Variants in CTNNA1 observed in about 807,000 individuals in gnomAD.
The protein encoded by CTNNA1 is catenin alpha-1.
In CTNNA1, 37 loss-of-function variants were observed where a neutral mutation model predicts 98.4. That is an observed-to-expected ratio of 0.38 (90% CI 0.29 to 0.49). CTNNA1 has a LOEUF of 0.49. CTNNA1 is among the 20% of genes least tolerant of loss of function. The pLI is 0.95. For synonymous variants in CTNNA1, 404 were observed against 413.2 expected (o/e 0.98, Z 0.27); for missense variants, 761 against 1,147.2 (o/e 0.66, Z 4.86).
chr5:138,759,251 C>T (rs1752050985), intron 1 of CTNNA1, among the ~76,000 whole-genome samples: 2 of 152,094 alleles, frequency 1.3e-5, no homozygotes, highest in African/African-American at 2.4e-5. Flanking sequence ...TTGGACTCTT[C>T]TCATTCCCAG....
chr5:138,879,394 C>T (rs1411736394), intron 7 of CTNNA1, among the ~76,000 whole-genome samples: 1 of 151,996 alleles, frequency 6.6e-6, no homozygotes, highest in Non-Finnish European at 1.5e-5. Context: ...CATTAGACTA[C>T]CAGAATCTCC....
chr5:138,850,352 C>G (rs1342705509), intron 7 of CTNNA1, among the ~76,000 whole-genome samples: 1 of 152,202 alleles, frequency 6.6e-6, no homozygotes, highest in Non-Finnish European at 1.5e-5. Flanking sequence ...ATGAAGCTCA[C>G]ATGTCTAGAA....
At chr5:138,893,655 T>C (rs186450500) in intron 9 of CTNNA1, among the ~76,000 whole-genome samples, 20 of 152,204 alleles carry the variant, frequency 1.3e-4, no homozygotes, top group African/African-American at 4.1e-4. Context: ...ATGGAGTCTC[T>C]CTCTGTCACC....
intron 5 of CTNNA1, among the ~76,000 whole-genome samples, chr5:138,823,040 A>T (rs748233956): frequency 6.6e-6 from 1 of 152,196 alleles, no homozygotes. Context: ...TTAAATTTAT[A>T]CTCTAGGATT....
chr5:138,899,114 G>T (rs1581577983), intron 9 of CTNNA1, among the ~76,000 whole-genome samples: 1 of 151,862 alleles, frequency 6.6e-6, no homozygotes, highest in South Asian at 2.1e-4. Context: ...TTGCATTTTC[G>T]ATCATTTGAG....
At chr5:138,814,176 C>A (rs1026880912) in intron 5 of CTNNA1, among the ~76,000 whole-genome samples, 2 of 151,626 alleles carry the variant, frequency 1.3e-5, no homozygotes, top group Admixed American at 6.6e-5. Flanking sequence ...CCTGGTTTTG[C>A]ATTTCTAGTA....
intron 10 of CTNNA1, among the ~76,000 whole-genome samples, chr5:138,906,387 T>G (rs1759267549): frequency 6.6e-6 from 1 of 152,246 alleles, no homozygotes; most frequent in Non-Finnish European, 1.5e-5. Flanking sequence ...TCAAGTTTGT[T>G]TGCCATTTAC....
chr5:138,828,050 T>TC (rs1159584617), intron 7 of CTNNA1: 7 of 229,232 alleles, frequency 3.1e-5, no homozygotes, highest in East Asian at 9.6e-5. Flanking sequence ...CATCCTTTTT[T>TC]CCCCCGAAGC....
chr5:138,775,513 G>A (rs1382322543), intron 1 of CTNNA1, among the ~76,000 whole-genome samples: 2 of 152,098 alleles, frequency 1.3e-5, no homozygotes, highest in Non-Finnish European at 2.9e-5. Flanking sequence ...TATCTCTAGT[G>A]ATTCTAGATT....
intron 1 of CTNNA1, among the ~76,000 whole-genome samples, chr5:138,779,806 C>T (rs1754847179): frequency 6.6e-6 from 1 of 151,700 alleles, no homozygotes; most frequent in South Asian, 2.1e-4. Flanking sequence ...ACCTCCACCT[C>T]CCAGGTTCAA....
At chr5:138,791,807 T>TTTA (rs35229143) in intron 3 of CTNNA1, among the ~76,000 whole-genome samples, 2 of 149,174 alleles carry the variant, frequency 1.3e-5, no homozygotes, top group Admixed American at 1.3e-4. Context: ...TTTTTTTTTT[T>TTTA]AGAGAGGCAA....
At chr5:138,900,823 G>A (rs954880744) in intron 9 of CTNNA1, among the ~76,000 whole-genome samples, 7 of 152,080 alleles carry the variant, frequency 4.6e-5, no homozygotes, top group Non-Finnish European at 7.3e-5. Flanking sequence ...ACCCAAGGCC[G>A]ATTGTTTAAA....
At chr5:138,913,532 T>G (rs1761098909) in intron 10 of CTNNA1, among the ~76,000 whole-genome samples, 1 of 151,290 alleles carries the variant, frequency 6.6e-6, no homozygotes, top group East Asian at 1.9e-4. Context: ...TGCAGTGAGC[T>G]GAGATTATGC....
At position 138,839,720 on chromosome 5, in the gene CTNNA1, T is replaced by C. The variant is rs370257531; in HGVS notation, c.1062+12002T>C. ...CTCCATGTGTTCTGCTCAGGATCTT[T>C]AGTTACATTCAGTGGGACAGACAGG... On this transcript the variant is annotated intron_variant, in intron 7 of 17. Coordinates refer to ENST00000302763, the MANE Select transcript of CTNNA1 (RefSeq NM_001903.5). Among the ~76,000 whole-genome samples the C allele has an allele frequency of 2.8e-4, 42 of 152,372 alleles. No individual in the cohort carries two copies. In the East Asian group the frequency reaches 6.4e-3, roughly 23 times the overall value.
intron 5 of CTNNA1, among the ~76,000 whole-genome samples, chr5:138,821,480 C>T (rs988099522): frequency 2.0e-5 from 3 of 152,164 alleles, no homozygotes; most frequent in African/African-American, 7.2e-5. Flanking sequence ...ATGTTACTGT[C>T]GGTGTTTTAT....
chr5:138,767,816 C>A (rs1172272568), intron 1 of CTNNA1, among the ~76,000 whole-genome samples: 1 of 152,196 alleles, frequency 6.6e-6, no homozygotes, highest in Admixed American at 6.5e-5. Flanking sequence ...AATAACATAA[C>A]AGGCCCTGCA....
chr5:138,812,134 A>C lies in CTNNA1; in HGVS notation c.469-49A>C, dbSNP rs1322017398. 4 of 1,562,184 alleles carry C rather than the reference A, an allele frequency of 2.6e-6. No individual in the cohort carries two copies. In the East Asian group the frequency reaches 9.0e-5, roughly 35 times the overall value. ...ATTCCTAGGATGCCATCTTCTTTAC[A>C]GACCTACATTCAGAATTTTTGGGTT... is the stretch of plus-strand genomic sequence containing the variant. On this transcript the variant is annotated intron_variant, in intron 4 of 17. Transcript: ENST00000302763.
chr5:138,872,999 A>G (rs1481177876), intron 7 of CTNNA1: 2 of 1,556,870 alleles, frequency 1.3e-6, no homozygotes, highest in Admixed American at 3.7e-5. Context: ...ATTTTTGATG[A>G]TGGGTAGATA....
chr5:138,894,497 T>TC (rs1756299220), intron 9 of CTNNA1, among the ~76,000 whole-genome samples: 1 of 151,810 alleles, frequency 6.6e-6, no homozygotes, highest in Non-Finnish European at 1.5e-5. Flanking sequence ...TGCAGGCTGT[T>TC]CTCAAACTCA....
Sources: gnomAD v4.1 joint callset for allele counts (sites outside exome capture counted in the v4.1 genomes callset) on GRCh38, gnomAD v4.1.1 for gene constraint, MANE v1.5 for transcripts, NCBI Gene and HGNC (gene_info 2026-07-23, HGNC 2026-07-21) for gene names.